The following SDK1 variants were observed in gnomAD, a reference collection of about 807,000 sequenced individuals.
SDK1 encodes sidekick cell adhesion molecule 1, also known as protein sidekick-1.
In SDK1, 157 loss-of-function variants were observed where a neutral mutation model predicts 245.5. The observed-to-expected ratio is 0.64, with a 90% CI of 0.56 to 0.73. The LOEUF is 0.73. Ranked by LOEUF, SDK1 falls within the 30% of genes least tolerant of loss-of-function variation. The pLI is 0.00. For missense variants in SDK1, 3,583 were observed against 3,002.3 expected, an observed-to-expected ratio of 1.19 and a Z score of -4.52; for synonymous variants, 1,647 against 1,278.5, an observed-to-expected ratio of 1.29 and a Z score of -6.15.
At chr7:3,766,050 T>C (rs1169301255) in intron 4 of SDK1, among the ~76,000 whole-genome samples, 1 of 152,194 alleles carries the variant, frequency 6.6e-6, no homozygotes, top group Non-Finnish European at 1.5e-5. Context: ...GTATCATTTA[T>C]TTTACAAATG....
intron 1 of SDK1, among the ~76,000 whole-genome samples, chr7:3,487,885 G>A (rs1028538299): frequency 6.6e-6 from 1 of 152,080 alleles, no homozygotes; most frequent in Non-Finnish European, 1.5e-5. Flanking sequence ...TTCCTTTGGG[G>A]GTTGATAATG....
At chr7:3,706,785 A>G (rs1430765170) in intron 4 of SDK1, among the ~76,000 whole-genome samples, 3 of 152,262 alleles carry the variant, frequency 2.0e-5, no homozygotes, top group African/African-American at 7.2e-5. Flanking sequence ...TGATTTAATC[A>G]AGGAGGGTTA....
At chr7:4,225,464 T>C (rs1785379588) in intron 40 of SDK1, among the ~76,000 whole-genome samples, 2 of 152,134 alleles carry the variant, frequency 1.3e-5, no homozygotes, top group African/African-American at 4.8e-5. Flanking sequence ...GGGCTCAGCC[T>C]CTTAACGCTG....
chr7:3,827,510 A>G (rs1452021121), intron 5 of SDK1, among the ~76,000 whole-genome samples: 1 of 152,250 alleles, frequency 6.6e-6, no homozygotes, highest in Non-Finnish European at 1.5e-5. Flanking sequence ...AGACTCTGAT[A>G]ACTGAGAGAT....
At chr7:4,056,963 T>C (rs1779243076) in intron 19 of SDK1, among the ~76,000 whole-genome samples, 1 of 152,156 alleles carries the variant, frequency 6.6e-6, no homozygotes, top group South Asian at 2.1e-4. Flanking sequence ...TGCTGGCTGC[T>C]GCCACCAGAG....
intron 19 of SDK1, among the ~76,000 whole-genome samples, chr7:4,053,716 G>A (rs1562736026): frequency 6.6e-6 from 1 of 152,094 alleles, no homozygotes; most frequent in Non-Finnish European, 1.5e-5. Flanking sequence ...ATGAGTGACA[G>A]GGGAGGAATA....
At chr7:4,232,220 A>T (rs565887803) in intron 40 of SDK1, among the ~76,000 whole-genome samples, 1 of 151,892 alleles carries the variant, frequency 6.6e-6, no homozygotes, top group East Asian at 1.9e-4. Flanking sequence ...TTCTACAGAC[A>T]AGGGTCAGAG....
rs188879529 is a variant in SDK1, at chr7:3,715,595, C to G, written c.713+73490C>G. Among the ~76,000 whole-genome samples the G allele has an allele frequency of 5.3e-5, 8 of 152,244 alleles. No homozygotes were observed. The East Asian group carries it at 1.4e-3, about 26-fold the overall frequency. ...CAGAACAAAGGAGACCAGGACAGCT[C>G]TGAAAAACACATTATCATTGGAACT... On this transcript the variant is annotated intron_variant, in intron 4 of 44. Coordinates refer to ENST00000404826, the MANE Select transcript of SDK1 (RefSeq NM_152744.4).
chr7:3,573,360 A>G (rs1780176924), intron 1 of SDK1, among the ~76,000 whole-genome samples: 2 of 152,132 alleles, frequency 1.3e-5, no homozygotes, highest in South Asian at 2.1e-4. Flanking sequence ...AGAGAGCCTC[A>G]GGGGGCTGAG....
chr7:4,056,209 C>T (rs1779186558), intron 19 of SDK1, among the ~76,000 whole-genome samples: 2 of 150,232 alleles, frequency 1.3e-5, no homozygotes, highest in African/African-American at 2.5e-5. Flanking sequence ...AGGCAGGGAG[C>T]CTGTTTATCC....
chr7:4,245,583 C>T, intron 43 of SDK1, 93 bp from the exon 44 acceptor site: 1 of 1,457,116 alleles, frequency 6.9e-7, no homozygotes, highest in Admixed American at 2.0e-5. Context: ...CCTCTTAGTC[C>T]AACGCAATAA....
At chr7:4,133,266 G>T (rs560132037) in intron 28 of SDK1, among the ~76,000 whole-genome samples, 1 of 152,304 alleles carries the variant, frequency 6.6e-6, no homozygotes, top group South Asian at 2.1e-4. Flanking sequence ...GAATTTTTCC[G>T]TTCCCCAAAG....
At chr7:3,486,254 T>A (rs1368672289) in intron 1 of SDK1, among the ~76,000 whole-genome samples, 1 of 144,598 alleles carries the variant, frequency 6.9e-6, no homozygotes, top group East Asian at 1.9e-4. Flanking sequence ...ATCTTTAATA[T>A]CTGAGGTTGT....
At chr7:4,057,755 A>C (rs1367328346) in intron 19 of SDK1, among the ~76,000 whole-genome samples, 1 of 152,080 alleles carries the variant, frequency 6.6e-6, no homozygotes, top group Non-Finnish European at 1.5e-5. Context: ...TCTACTAACA[A>C]CCACACCCTA....
intron 22 of SDK1, among the ~76,000 whole-genome samples, chr7:4,109,830 T>C (rs1783218093): frequency 6.6e-6 from 1 of 151,642 alleles, no homozygotes. Context: ...GAGTGAGAGG[T>C]GGGGCTCGGG....
chr7:4,187,234 A>G (rs558159281), intron 35 of SDK1, among the ~76,000 whole-genome samples: 2 of 152,308 alleles, frequency 1.3e-5, no homozygotes, highest in Admixed American at 6.5e-5. Flanking sequence ...GTAAACCTCC[A>G]TAGTTAACCC....
At chr7:3,716,558 G>A (rs1177835769) in intron 4 of SDK1, among the ~76,000 whole-genome samples, 1 of 151,994 alleles carries the variant, frequency 6.6e-6, no homozygotes, top group African/African-American at 2.4e-5. Flanking sequence ...CCAGGAATTT[G>A]AGGCCAGCCT....
intron 40 of SDK1, among the ~76,000 whole-genome samples, chr7:4,228,790 G>A (rs544383157): frequency 1.3e-5 from 2 of 152,086 alleles, no homozygotes; most frequent in East Asian, 1.9e-4. Flanking sequence ...TGTCTACCTC[G>A]GTCTCCCAAA....
intron 1 of SDK1, among the ~76,000 whole-genome samples, chr7:3,384,073 C>T (rs1781552904): frequency 6.6e-6 from 1 of 151,886 alleles, no homozygotes; most frequent in Admixed American, 6.6e-5. Context: ...TTAGCTTAGG[C>T]CGTGATTAGG....
Sources: gnomAD v4.1 joint callset for allele counts (sites outside exome capture counted in the v4.1 genomes callset) on GRCh38, gnomAD v4.1.1 for gene constraint, MANE v1.5 for transcripts, NCBI Gene and HGNC (gene_info 2026-07-23, HGNC 2026-07-21) for gene names.